Variants in MRPL13 observed in about 807,000 individuals in gnomAD.
The protein encoded by MRPL13 is mitochondrial ribosomal protein L13, also known as large ribosomal subunit protein uL13m.
MRPL13 carries 33 observed loss-of-function variants against 29.0 expected under a neutral mutation model. That is an observed-to-expected ratio of 1.14 (90% CI 0.86 to 1.52). The LOEUF (loss-of-function observed/expected upper bound fraction) is 1.52. Among genes scored for constraint, MRPL13 ranks in the 40% most tolerant of loss-of-function variants. The pLI is 0.00. For missense variants in MRPL13, 227 were observed against 216.7 expected (o/e 1.05, Z -0.30); for synonymous variants, 77 against 68.4 (o/e 1.13, Z -0.62).
chr8:120,398,258 C>T (rs928540810), intron 6 of MRPL13, among the ~76,000 whole-genome samples: 3 of 152,102 alleles, frequency 2.0e-5, no homozygotes, highest in African/African-American at 7.2e-5. Context: ...CAGGTCAGTA[C>T]CCCTCTAGGA....
At chr8:120,438,805 T>C (rs1813083351) in intron 2 of MRPL13, among the ~76,000 whole-genome samples, 1 of 152,194 alleles carries the variant, frequency 6.6e-6, no homozygotes, top group Non-Finnish European at 1.5e-5. Flanking sequence ...AATCCTGATT[T>C]TAGTTTACTC....
chr8:120,411,089 T>A (rs940461665), intron 6 of MRPL13, among the ~76,000 whole-genome samples: 5 of 151,912 alleles, frequency 3.3e-5, no homozygotes, highest in Non-Finnish European at 7.4e-5. Flanking sequence ...TCTCGACAAG[T>A]CTTGCTCTGT....
At chr8:120,403,926 T>A (rs777701708) in intron 6 of MRPL13, among the ~76,000 whole-genome samples, 3 of 152,210 alleles carry the variant, frequency 2.0e-5, no homozygotes, top group Non-Finnish European at 2.9e-5. Flanking sequence ...ACTAGCCAGG[T>A]ATGCTTTGCC....
intron 6 of MRPL13, among the ~76,000 whole-genome samples, chr8:120,397,687 G>C (rs986702505): frequency 1.3e-4 from 19 of 151,786 alleles, no homozygotes; most frequent in African/African-American, 4.6e-4. Flanking sequence ...AACAACTCTA[G>C]CCAGGGTTAT....
At chr8:120,431,970 T>G in intron 3 of MRPL13, 60 bp downstream of exon 3, 2 of 1,172,480 alleles carry the variant, frequency 1.7e-6, no homozygotes, top group Non-Finnish European at 2.4e-6. Context: ...TAAGAACAAC[T>G]GTATTCTTAA....
intron 4 of MRPL13, among the ~76,000 whole-genome samples, chr8:120,424,192 A>G (rs1285052593): frequency 6.6e-6 from 1 of 152,226 alleles, no homozygotes; most frequent in Non-Finnish European, 1.5e-5. Context: ...TCAAGGTAAA[A>G]AGCATTATTG....
intron 6 of MRPL13, among the ~76,000 whole-genome samples, chr8:120,409,220 G>A (rs1812714726): frequency 6.6e-6 from 1 of 152,150 alleles, no homozygotes; most frequent in Non-Finnish European, 1.5e-5. Context: ...CTTAAAACAA[G>A]CATTTCTTAC....
At chr8:120,397,416 G>A (rs1812537342) in intron 6 of MRPL13, among the ~76,000 whole-genome samples, 1 of 152,164 alleles carries the variant, frequency 6.6e-6, no homozygotes. Flanking sequence ...AAGCCTCACT[G>A]GATTGGAAAT....
At chr8:120,437,099 A>G (rs888648225) in intron 2 of MRPL13, among the ~76,000 whole-genome samples, 2 of 152,184 alleles carry the variant, frequency 1.3e-5, no homozygotes, top group East Asian at 1.9e-4. Context: ...AATCTCCTTC[A>G]GTGCTTTGTA....
chr8:120,402,370 C>T (rs528703846), intron 6 of MRPL13, among the ~76,000 whole-genome samples: 5 of 152,102 alleles, frequency 3.3e-5, no homozygotes, highest in East Asian at 3.9e-4. Context: ...ATCTGATCTT[C>T]GACAGACCTC....
At chr8:120,402,162 T>C (rs951538196) in intron 6 of MRPL13, among the ~76,000 whole-genome samples, 2 of 152,316 alleles carry the variant, frequency 1.3e-5, no homozygotes, top group East Asian at 1.9e-4. Context: ...TTAAAATTCA[T>C]ATGGAACCAA....
Position 120,434,506 on chromosome 8 carries a change from C to T in MRPL13, c.152-2383G>A, listed in dbSNP as rs375362275. ...TAAAGTTAAGTTTCAAATACAACTC[C>T]AGTAAAACTTCAAAGGCAGATCTTA... On this transcript the variant is annotated intron_variant, in intron 2 of 6. Coordinates refer to ENST00000306185, the MANE Select transcript of MRPL13 (RefSeq NM_014078.6). Among the ~76,000 whole-genome samples, 190 of 152,114 alleles carry T rather than the reference C, an allele frequency of 1.2e-3. 1 individual carries two copies. The highest frequency in any genetic ancestry group is 4.3e-3 in the African/African-American group (180 of 41,518).
At chr8:120,417,940 T>C (rs969626576) in intron 5 of MRPL13, among the ~76,000 whole-genome samples, 9 of 152,102 alleles carry the variant, frequency 5.9e-5, no homozygotes, top group Non-Finnish European at 1.3e-4. Flanking sequence ...ATTTTTCTAA[T>C]ATATAAAATT....
In MRPL13 at chr8:120,437,848, A is replaced by AT. The variant is rs1308698656; in HGVS notation, c.151+5336dup. Among the ~76,000 whole-genome samples, 4 of 152,048 alleles carry AT rather than the reference A, an allele frequency of 2.6e-5. No homozygotes were observed. In the East Asian group the frequency reaches 7.7e-4, roughly 29 times the overall value. On this transcript the variant is annotated intron_variant, in intron 2 of 6. Coordinates refer to ENST00000306185, the MANE Select transcript of MRPL13 (RefSeq NM_014078.6). ...AACAATGATCATCATTTGTAATATT[A>AT]TTTTTCTGGGAAACTGTAGGTCAAT...
chr8:120,438,167 G>A (rs1321998457), intron 2 of MRPL13, among the ~76,000 whole-genome samples: 1 of 152,076 alleles, frequency 6.6e-6, no homozygotes, highest in Admixed American at 6.6e-5. Context: ...AGTAAGACCG[G>A]CTTGTGCAAC....
intron 3 of MRPL13, 82 bp from the exon 4 acceptor site, chr8:120,425,448 T>G: frequency 1.1e-6 from 1 of 947,346 alleles, no homozygotes; most frequent in Non-Finnish European, 1.6e-6. Flanking sequence ...ATAAGAAAAC[T>G]ATTTTAATAA....
At chr8:120,417,668 G>C (rs373598745) in intron 5 of MRPL13, among the ~76,000 whole-genome samples, 4 of 152,036 alleles carry the variant, frequency 2.6e-5, no homozygotes, top group African/African-American at 9.7e-5. Context: ...CCTAAAGCTG[G>C]CTCCATGTTC....
intron 2 of MRPL13, among the ~76,000 whole-genome samples, chr8:120,442,591 G>C (rs1586930309): frequency 6.6e-6 from 1 of 152,288 alleles, no homozygotes; most frequent in East Asian, 1.9e-4. Flanking sequence ...CAACCAGTAT[G>C]AGGACTAAAA....
At chr8:120,438,890 G>T (rs532413982) in intron 2 of MRPL13, among the ~76,000 whole-genome samples, 1 of 152,150 alleles carries the variant, frequency 6.6e-6, no homozygotes, top group South Asian at 2.1e-4. Flanking sequence ...CTATAAATCG[G>T]TAATTCTATG....
Sources: allele counts gnomAD v4.1 joint callset (sites outside exome capture counted in the v4.1 genomes callset), GRCh38; gene constraint gnomAD v4.1.1; transcripts MANE v1.5; gene names NCBI Gene and HGNC (gene_info 2026-07-23, HGNC 2026-07-21).